SYNE1: variants seen among roughly 807,000 people sequenced by gnomAD.
SYNE1 encodes nesprin-1.
In SYNE1, 616 loss-of-function variants were observed where a neutral mutation model predicts 1,111.0. The ratio of observed to expected loss-of-function variants is 0.55; its 90% CI spans 0.52 to 0.59. The LOEUF (loss-of-function observed/expected upper bound fraction) is 0.59, where lower values mean the gene tolerates loss of function less well. Among genes scored for constraint, SYNE1 ranks in the 20% least tolerant of loss-of-function variants. The pLI is 0.00. For missense variants in SYNE1, 10,006 were observed against 10,417.0 expected, an observed-to-expected ratio of 0.96 and a Z score of 1.72; for synonymous variants, 3,855 against 3,825.8, an observed-to-expected ratio of 1.01 and a Z score of -0.28.
intron 2 of SYNE1, among the ~76,000 whole-genome samples, chr6:152,633,460 A>G (rs2099701290): frequency 6.6e-6 from 1 of 152,248 alleles, no homozygotes; most frequent in Admixed American, 6.5e-5. Flanking sequence ...GAGGAAGATG[A>G]TATAAACAAT....
chr6:152,549,397 T>C (rs968235624), intron 3 of SYNE1, among the ~76,000 whole-genome samples: 3 of 152,028 alleles, frequency 2.0e-5, no homozygotes, highest in South Asian at 2.1e-4. Context: ...AGTTTTGGAG[T>C]AGTTTGTTAC....
chr6:152,319,689 T>TA (rs1225348610), intron 84 of SYNE1, among the ~76,000 whole-genome samples: 4 of 145,630 alleles, frequency 2.7e-5, no homozygotes, highest in Admixed American at 7.1e-5. Context: ...TAAAGGTCTT[T>TA]AAAAAAACCT....
At chr6:152,481,256 G>A (rs886423908) in intron 14 of SYNE1, 9 of 199,362 alleles carry the variant, frequency 4.5e-5, no homozygotes, top group Non-Finnish European at 8.3e-5. Context: ...TAGATTGGAG[G>A]CACCACAAAC....
chr6:152,185,176 T>A (rs1479123794), intron 128 of SYNE1: 1 of 152,166 alleles, frequency 6.6e-6, no homozygotes, highest in African/African-American at 2.4e-5. Context: ...AAAACAAGTA[T>A]AAGCTCTGGC....
At chr6:152,585,826 G>T (rs1467062354) in intron 3 of SYNE1, among the ~76,000 whole-genome samples, 1 of 152,166 alleles carries the variant, frequency 6.6e-6, no homozygotes, top group Non-Finnish European at 1.5e-5. Context: ...GTAAAAATAA[G>T]TGATTTTAGC....
chr6:152,256,518 T>A, intron 102 of SYNE1, 116 bp downstream of exon 102: 1 of 1,308,144 alleles, frequency 7.6e-7, no homozygotes, highest in Non-Finnish European at 1.1e-6. Context: ...TTATCACTAG[T>A]GTTGGGTCTC....
chr6:152,133,534 T>A (rs767400686), intron 142 of SYNE1, 46 bp from the exon 143 acceptor site: 1 of 1,587,144 alleles, frequency 6.3e-7, no homozygotes, highest in Admixed American at 1.7e-5. Flanking sequence ...TTTTTGATAA[T>A]TGGCAAAAGC....
In SYNE1 at chr6:152,380,991, A is replaced by G; in HGVS notation, c.9009+15T>C. 1 of 1,612,366 alleles carries G rather than the reference A, an allele frequency of 6.2e-7. No homozygotes were observed. Among genetic ancestry groups the G allele is most frequent in the Non-Finnish European group, 8.5e-7 (1 of 1,178,376 alleles). ...TAAAGCATAACCACCAATAGAAAAC[A>G]GGAAGCCAACTTACTTGTCCTTTGT... On this transcript the variant is annotated intron_variant, in intron 56 of 145. Transcript: ENST00000367255.
intron 77 of SYNE1, among the ~76,000 whole-genome samples, chr6:152,333,155 A>T (rs538406886): frequency 6.6e-6 from 1 of 152,008 alleles, no homozygotes; most frequent in African/African-American, 2.4e-5. Flanking sequence ...AATTATAGTG[A>T]TCAAAAGTAT....
At position 152,242,454 on chromosome 6, in the gene SYNE1, A is replaced by C; in HGVS notation, c.19693-14T>G. 1.9e-6 allele frequency: 3 copies of C among 1,613,688 alleles called. No individual in the cohort carries two copies. The highest frequency in any genetic ancestry group is 2.5e-6 in the Non-Finnish European group (3 of 1,179,842). ...ATCATACATGTCCTAAGAAGCAGAG[A>C]CCACAAGACTCACTCTCAATTCATA... is the stretch of plus-strand genomic sequence containing the variant. On this transcript the variant is annotated splice_polypyrimidine_tract_variant and intron_variant, in intron 106 of 145. Coordinates refer to ENST00000367255, the MANE Select transcript of SYNE1 (RefSeq NM_182961.4).
At position 152,629,522 on chromosome 6, in the gene SYNE1, C is replaced by CGGGGGGGG. The variant is rs766614719; in HGVS notation, c.-223-976_-223-969dup. 6.8e-3 allele frequency among the ~76,000 whole-genome samples: 42 copies of CGGGGGGGG among 6,138 alleles called. 5 individuals carry two copies. Among genetic ancestry groups the CGGGGGGGG allele is most frequent in the Admixed American group, 8.9e-3 (3 of 336 alleles). 4.0% of individuals were successfully genotyped at this position (6,138 alleles called of 152,430 possible). A position where few individuals can be genotyped will look rare whatever the true frequency, so the allele number is the denominator to read the frequency against. ...TGCCTGGCTGGTTAAGTTTCATTGC[C>CGGGGGGGG]GGGGGGGGGGGGGGGAGGGGGAGGG... On this transcript the variant is annotated intron_variant, in intron 2 of 145. Coordinates refer to ENST00000367255, the MANE Select transcript of SYNE1 (RefSeq NM_182961.4).
Position 152,444,553 on chromosome 6 carries a change from C to G in SYNE1, c.3695G>C (p.Gly1232Ala). The G allele has an allele frequency of 1.2e-6, 2 of 1,612,374 alleles. No individual in the cohort carries two copies. The highest frequency in any genetic ancestry group is 1.7e-6 in the Non-Finnish European group (2 of 1,179,674). ...SEVEKMLSNF[G>A]DCVQYKEIVK... The stretch of plus-strand genomic sequence containing the variant: ...TATTTCTTTGTACTGGACACAGTCC[C>G]CAAAATTGCTTAGCATCTTTTCAAC... Residue 1232 changes from glycine (G) to alanine (A), a missense_variant, in exon 30 of 146, where the codon GGG (glycine) becomes GCG (alanine). Gly to Ala is a moderately conservative substitution (Grantham distance 60). Transcript: ENST00000367255.
chr6:152,516,833 A>G (rs895304550), intron 6 of SYNE1, among the ~76,000 whole-genome samples: 15 of 152,066 alleles, frequency 9.9e-5, no homozygotes, highest in African/African-American at 3.6e-4. Flanking sequence ...CCATTCACCT[A>G]CCCTTCCCTC....
Position 152,149,484 on chromosome 6 carries a change from C to A in SYNE1, c.24635G>T (p.Arg8212Leu), listed in dbSNP as rs766462111. The change falls in exon 136 of 146, where the codon CGC becomes CTC. Residue 8212 changes from arginine to leucine, a missense_variant. Transcript: ENST00000367255. Reference sequence around the variant, plus strand: ...AAAATCAATGTTACATACAGGCAGGCGGATCAGTTTCTTATGGTATCTTTC... The same window carrying A: ...AAAATCAATGTTACATACAGGCAGGAGGATCAGTTTCTTATGGTATCTTTC... ...RVERYHKKLI[R>L]LPLPDDEHDL... 1.2e-6 allele frequency: 2 copies of A among 1,612,018 alleles called. No homozygotes were observed. The highest frequency in any genetic ancestry group is 8.5e-7 in the Non-Finnish European group (1 of 1,179,740).
chr6:152,219,132 C>T lies in SYNE1; in HGVS notation c.21915G>A (p.Glu7305=). Residue 7305 remains glutamate (E), a synonymous_variant, in exon 120 of 146, where the codon GAG becomes GAA. Coordinates refer to ENST00000367255, the MANE Select transcript of SYNE1 (RefSeq NM_182961.4). ...CTTGTTGCTTCAGTTGCTCTCCCAG[C>T]TCATGGAGAAAAAAGAGGGAATCTT... ...TVKDSLFFLH[E]LGEQLKQQVD... 2 of 1,614,090 alleles carry T rather than the reference C, an allele frequency of 1.2e-6. No individual in the cohort carries two copies. The highest frequency in any genetic ancestry group is 1.7e-6 in the Non-Finnish European group (2 of 1,179,986).
At chr6:152,308,658 G>C in intron 90 of SYNE1, 26 bp from the exon 91 acceptor site, 1 of 1,585,456 alleles carries the variant, frequency 6.3e-7, no homozygotes, top group Non-Finnish European at 8.5e-7. Context: ...AAAACAGAAA[G>C]ATAGACAGTT....
Position 152,401,124 on chromosome 6 carries a change from A to G in SYNE1, c.7029+14T>C. ...CATTTGAATGGAAGCACTTAATGATAGTTTATTACCTACCTTGACTTTTTT... is the reference window on the plus strand; with the variant it reads ...CATTTGAATGGAAGCACTTAATGATGGTTTATTACCTACCTTGACTTTTTT... On this transcript the variant is annotated intron_variant, in intron 47 of 145. Coordinates refer to ENST00000367255, the MANE Select transcript of SYNE1 (RefSeq NM_182961.4). 6.2e-7 allele frequency: 1 copy of G among 1,612,406 alleles called. No homozygotes were observed. The highest frequency in any genetic ancestry group is 8.5e-7 in the Non-Finnish European group (1 of 1,178,640).
chr6:152,471,278 C>A (rs1459880143), intron 16 of SYNE1, among the ~76,000 whole-genome samples: 1 of 152,018 alleles, frequency 6.6e-6, no homozygotes, highest in Non-Finnish European at 1.5e-5. Context: ...GAAATGGTGA[C>A]CTCCAATAAA....
chr6:152,493,552 G>A (rs925157065), intron 11 of SYNE1, among the ~76,000 whole-genome samples: 3 of 152,080 alleles, frequency 2.0e-5, no homozygotes, highest in East Asian at 1.9e-4. Context: ...GCTTCTCACC[G>A]TATTCAATAT....
Sources: gnomAD v4.1 joint callset for allele counts (sites outside exome capture counted in the v4.1 genomes callset) on GRCh38, gnomAD v4.1.1 for gene constraint, MANE v1.5 for transcripts, NCBI Gene and HGNC (gene_info 2026-07-23, HGNC 2026-07-21) for gene names.